AFAP1: variants seen among roughly 807,000 people sequenced by gnomAD.
AFAP1 encodes the protein actin filament-associated protein 1.
A neutral mutation model predicts 93.9 loss-of-function variants in AFAP1; 75 were observed. The observed-to-expected ratio is 0.80, with a 90% CI of 0.66 to 0.97. AFAP1 has a LOEUF of 0.97. Among genes scored for constraint, AFAP1 ranks in the 50% least tolerant of loss-of-function variants. AFAP1 has a pLI of 0.00. For synonymous variants in AFAP1, 517 were observed against 430.7 expected (o/e 1.20, Z -2.48); for missense variants, 1,201 against 1,050.8 (o/e 1.14, Z -1.98).
intron 6 of AFAP1, among the ~76,000 whole-genome samples, chr4:7,832,036 C>T (rs1402870588): frequency 2.6e-5 from 4 of 152,174 alleles, no homozygotes; most frequent in Non-Finnish European, 5.9e-5. Context: ...GCACTTCGCC[C>T]ACCTGAGACT....
chr4:7,818,263 G>A (rs1257079185), intron 7 of AFAP1, among the ~76,000 whole-genome samples: 1 of 152,184 alleles, frequency 6.6e-6, no homozygotes, highest in Non-Finnish European at 1.5e-5. Context: ...GTCTCCGCCT[G>A]CGGCCCACAC....
chr4:7,914,896 C>T (rs1719997571), intron 1 of AFAP1, among the ~76,000 whole-genome samples: 2 of 151,992 alleles, frequency 1.3e-5, no homozygotes, highest in African/African-American at 4.8e-5. Flanking sequence ...TATGGGCGCC[C>T]ACCACCACAC....
At chr4:7,846,485 T>C (rs537308912) in intron 4 of AFAP1, among the ~76,000 whole-genome samples, 1 of 152,278 alleles carries the variant, frequency 6.6e-6, no homozygotes, top group Non-Finnish European at 1.5e-5. Flanking sequence ...ATCCTAGCTT[T>C]ATTTCAGAAA....
chr4:7,769,787 G>C (rs1450742807), intron 16 of AFAP1, among the ~76,000 whole-genome samples: 2 of 152,252 alleles, frequency 1.3e-5, no homozygotes, highest in African/African-American at 4.8e-5. Context: ...TTTTAGAACA[G>C]TGTTTCAATT....
chr4:7,826,822 C>A (rs1721465197), intron 6 of AFAP1, among the ~76,000 whole-genome samples: 1 of 152,168 alleles, frequency 6.6e-6, no homozygotes, highest in African/African-American at 2.4e-5. Flanking sequence ...CACCCTTCTC[C>A]AGGGAAATAG....
chr4:7,879,467 AAC>A lies in AFAP1; in HGVS notation c.-2-7389_-2-7388del, dbSNP rs144701969. Among the ~76,000 whole-genome samples, 966 of 152,224 alleles carry A rather than the reference AAC, an allele frequency of 6.3e-3. 8 individuals carry two copies. The highest frequency in any genetic ancestry group is 0.02 in the African/African-American group (846 of 41,514). On this transcript the variant is annotated intron_variant, in intron 1 of 17. Coordinates refer to ENST00000420658, the MANE Select transcript of AFAP1 (RefSeq NM_001134647.2). The stretch of plus-strand genomic sequence containing the variant: ...TCTGGACAGAATGGCGAGGTCACCA[AAC>A]ACAGACTGGCATCAAGGACACAGGA...
chr4:7,773,196 T>C, intron 15 of AFAP1, 186 bp from the exon 16 acceptor site: 1 of 902,354 alleles, frequency 1.1e-6, no homozygotes, highest in South Asian at 1.9e-5. Flanking sequence ...CTCCTACCAT[T>C]TCCCTTTGCT....
intron 3 of AFAP1, among the ~76,000 whole-genome samples, chr4:7,864,533 C>T (rs575839134): frequency 1.3e-5 from 2 of 152,330 alleles, no homozygotes; most frequent in East Asian, 3.9e-4. Context: ...AACCAAAGCT[C>T]TACCTCCTTG....
At chr4:7,918,701 G>C (rs1577358976) in intron 1 of AFAP1, among the ~76,000 whole-genome samples, 1 of 137,556 alleles carries the variant, frequency 7.3e-6, no homozygotes, top group Non-Finnish European at 1.5e-5. Flanking sequence ...CTCGGCCCAG[G>C]TCACCAGGAA....
intron 14 of AFAP1, chr4:7,776,256 C>T (rs1716103483): frequency 1.3e-5 from 2 of 152,182 alleles, no homozygotes; most frequent in African/African-American, 4.8e-5. Flanking sequence ...AATAAAAACA[C>T]TGGACTCAGA....
chr4:7,906,927 G>C (rs896121414), intron 1 of AFAP1, among the ~76,000 whole-genome samples: 2 of 151,872 alleles, frequency 1.3e-5, no homozygotes, highest in Admixed American at 6.6e-5. Context: ...GCTTGAACTC[G>C]GGAGGCGGAG....
chr4:7,839,480 C>T (rs1201813740), intron 5 of AFAP1, among the ~76,000 whole-genome samples: 1 of 151,926 alleles, frequency 6.6e-6, no homozygotes, highest in Non-Finnish European at 1.5e-5. Context: ...TGTTGCAACT[C>T]CACAGCCCTA....
At chr4:7,816,680 G>A (rs1208501965) in intron 7 of AFAP1, among the ~76,000 whole-genome samples, 24 of 152,196 alleles carry the variant, frequency 1.6e-4, no homozygotes, top group African/African-American at 2.4e-5. Context: ...TCTGAATGAG[G>A]TAGAGTGTTT....
intron 11 of AFAP1, among the ~76,000 whole-genome samples, chr4:7,786,706 G>A (rs565860200): frequency 6.6e-6 from 1 of 152,186 alleles, no homozygotes; most frequent in Admixed American, 6.5e-5. Flanking sequence ...ATTATCATCC[G>A]TCTTTCACAG....
intron 1 of AFAP1, among the ~76,000 whole-genome samples, chr4:7,915,007 C>T (rs556871464): frequency 6.6e-6 from 1 of 152,206 alleles, no homozygotes; most frequent in Non-Finnish European, 1.5e-5. Flanking sequence ...CTTCAGCCTC[C>T]CAAAAGTGCT....
At chr4:7,931,318 T>C (rs1350592974) in intron 1 of AFAP1, among the ~76,000 whole-genome samples, 2 of 152,206 alleles carry the variant, frequency 1.3e-5, no homozygotes, top group African/African-American at 4.8e-5. Context: ...ACACCTTTGC[T>C]AAAAATGAGT....
chr4:7,861,721 T>C (rs1364053848), intron 3 of AFAP1, among the ~76,000 whole-genome samples: 1 of 152,200 alleles, frequency 6.6e-6, no homozygotes, highest in East Asian at 1.9e-4. Flanking sequence ...ATAAAGCGAA[T>C]TGAAAACAAA....
chr4:7,805,768 T>C (rs1719453092), intron 9 of AFAP1, among the ~76,000 whole-genome samples: 1 of 152,220 alleles, frequency 6.6e-6, no homozygotes, highest in Non-Finnish European at 1.5e-5. Context: ...TGAGCCCCTG[T>C]TCTTACGCCA....
chr4:7,825,632 G>C (rs1428258498), intron 6 of AFAP1, among the ~76,000 whole-genome samples: 4 of 151,902 alleles, frequency 2.6e-5, no homozygotes, highest in Non-Finnish European at 5.9e-5. Flanking sequence ...CATGCATAAG[G>C]AAAAAAGGCT....
Sources: allele counts gnomAD v4.1 joint callset (sites outside exome capture counted in the v4.1 genomes callset), GRCh38; gene constraint gnomAD v4.1.1; transcripts MANE v1.5; gene names NCBI Gene and HGNC (gene_info 2026-07-23, HGNC 2026-07-21).